FNDC1: variants seen among roughly 807,000 people sequenced by gnomAD.
FNDC1 encodes the protein fibronectin type III domain containing 1.
In FNDC1, 96 loss-of-function variants were observed where a neutral mutation model predicts 168.0. The ratio of observed to expected loss-of-function variants is 0.57; its 90% CI spans 0.48 to 0.68. The LOEUF (loss-of-function observed/expected upper bound fraction) is 0.68, where lower values mean the gene tolerates loss of function less well. FNDC1 is among the 30% of genes least tolerant of loss of function. FNDC1 has a pLI of 0.00. For synonymous variants in FNDC1, 1,099 were observed against 1,025.9 expected (o/e 1.07, Z -1.36); for missense variants, 2,587 against 2,482.1 (o/e 1.04, Z -0.90).
At chr6:159,265,488 C>A (rs941584439) in intron 20 of FNDC1, among the ~76,000 whole-genome samples, 6 of 152,144 alleles carry the variant, frequency 3.9e-5, no homozygotes, top group Admixed American at 3.9e-4. Flanking sequence ...GCTTATTTTC[C>A]TTGCCGTTTA....
At chr6:159,184,470 A>G (rs1781950528) in intron 1 of FNDC1, among the ~76,000 whole-genome samples, 2 of 152,102 alleles carry the variant, frequency 1.3e-5, no homozygotes, top group Non-Finnish European at 2.9e-5. Flanking sequence ...AATGAGTTTT[A>G]TTATCTGAAA....
chr6:159,249,074 A>G lies in FNDC1; in HGVS notation c.4726A>G (p.Thr1576Ala), dbSNP rs753154943. 1.2e-6 allele frequency: 2 copies of G among 1,604,058 alleles called. No homozygotes were observed. Among genetic ancestry groups the G allele is most frequent in the Non-Finnish European group, 1.7e-6 (2 of 1,175,208 alleles). Residue 1576 changes from threonine (T) to alanine (A), a missense_variant, in exon 16 of 23, where the codon ACT becomes GCT. Physicochemically the swap from Thr to Ala is moderately conservative, Grantham distance 58. Coordinates refer to ENST00000297267, the MANE Select transcript of FNDC1 (RefSeq NM_032532.3). Reference sequence around the variant, plus strand: ...TGAGACGTCAAGGCCACCAACCACCACTGAGCCTTCGACCACTGCTACCAC... The same window carrying G: ...TGAGACGTCAAGGCCACCAACCACCGCTGAGCCTTCGACCACTGCTACCAC... ...EFETSRPPTT[T>A]EPSTTATTPR...
At chr6:159,197,359 C>A in intron 1 of FNDC1, 72 bp from the exon 2 acceptor site, 1 of 1,375,570 alleles carries the variant, frequency 7.3e-7, no homozygotes, top group Non-Finnish European at 1.0e-6. Flanking sequence ...CTAACAATAT[C>A]AAAGACGATT....
chr6:159,197,918 C>A (rs572277762), intron 2 of FNDC1, among the ~76,000 whole-genome samples: 6 of 152,128 alleles, frequency 3.9e-5, no homozygotes, highest in Non-Finnish European at 8.8e-5. Flanking sequence ...TAGATTGATC[C>A]TTTTTTGCTT....
intron 4 of FNDC1, among the ~76,000 whole-genome samples, chr6:159,206,154 A>G (rs1782483052): frequency 6.6e-6 from 1 of 152,258 alleles, no homozygotes; most frequent in Admixed American, 6.5e-5. Flanking sequence ...TCCACCAGAT[A>G]TTTCTGCAGC....
chr6:159,260,755 G>A (rs1409186527), intron 18 of FNDC1, among the ~76,000 whole-genome samples: 1 of 152,202 alleles, frequency 6.6e-6, no homozygotes, highest in Non-Finnish European at 1.5e-5. Context: ...TTTGAATTCT[G>A]CTTTGTAGTG....
rs1010910473 is a variant in FNDC1, at chr6:159,215,262, G to A, written c.667+111G>A. The A allele has an allele frequency of 3.3e-6, 3 of 919,728 alleles. No individual in the cohort carries two copies. The African/African-American group carries it at 5.0e-5, about 15-fold the overall frequency. The allele number at this position is 919,728 out of a possible 1,614,324, so 57.0% of individuals were successfully genotyped here. A position where few individuals can be genotyped will look rare whatever the true frequency, so the allele number is the denominator to read the frequency against. ...TATATTTTAGTTGTAATGTCCACTT[G>A]CCAGATGTTACAATGATTTGAATCT... On this transcript the variant is annotated intron_variant, in intron 5 of 22. Transcript: ENST00000297267.
intron 1 of FNDC1, among the ~76,000 whole-genome samples, chr6:159,177,966 T>C (rs936399272): frequency 6.6e-6 from 1 of 152,228 alleles, no homozygotes; most frequent in African/African-American, 2.4e-5. Flanking sequence ...AATTTTGAGA[T>C]AGTCATAGAT....
In FNDC1 at chr6:159,232,889, G is replaced by A. The variant is rs186422799; in HGVS notation, c.2377G>A (p.Asp793Asn). The change falls in exon 11 of 23, where the codon GAT becomes AAT. Residue 793 changes from aspartate to asparagine, a missense_variant. By Grantham distance (23) the Asp-to-Asn change is conservative. Transcript: ENST00000297267. This position sits in a 1 kb window ranked among gnomAD's most constrained non-coding sequence, Gnocchi z 4.9. ...TGATGGTGAAAGCCACGGTGACGGC[G>A]ATAGGGAAGACGGCGGAAGGCAGGC... Reference protein sequence around the residue: ...ASDGESHGDGDREDGGRQAEA... With the variant: ...ASDGESHGDGNREDGGRQAEA... The A allele has an allele frequency of 1.8e-3, 2,944 of 1,613,072 alleles. 13 individuals are homozygous for A. Among genetic ancestry groups the A allele is most frequent in the South Asian group, 0.012 (1,072 of 91,014 alleles).
chr6:159,226,365 C>A, intron 8 of FNDC1, 108 bp from the exon 9 acceptor site: 1 of 766,604 alleles, frequency 1.3e-6, no homozygotes, highest in Non-Finnish European at 2.1e-6. Flanking sequence ...AAAATTAACA[C>A]AGTAGGTCTT....
intron 19 of FNDC1, 26 bp downstream of exon 19, chr6:159,261,295 TG>T (rs1233845306): frequency 6.6e-7 from 1 of 1,512,630 alleles, no homozygotes; most frequent in African/African-American, 1.4e-5. Flanking sequence ...CATTCTGATT[TG>T]TTTTACTTTT....
In FNDC1 at chr6:159,217,304, C is replaced by T. The variant is rs757934722; in HGVS notation, c.667+2153C>T. On this transcript the variant is annotated intron_variant, in intron 5 of 22. Transcript: ENST00000297267. ...CGCGGAAACAGAGCACTTGCTTGGA[C>T]GGAAGCCCGGCGAGCCCACACTCCT... 2.0e-5 allele frequency among the ~76,000 whole-genome samples: 3 copies of T among 152,128 alleles called. No homozygotes were observed. In the East Asian group the frequency reaches 5.8e-4, roughly 29 times the overall value.
chr6:159,215,069 C>A lies in FNDC1; in HGVS notation c.585C>A (p.Leu195=), dbSNP rs371528220. 1.2e-6 allele frequency: 2 copies of A among 1,614,032 alleles called. No homozygotes were observed. Among genetic ancestry groups the A allele is most frequent in the East Asian group, 4.5e-5 (2 of 44,886 alleles). ...GTCCACGCAGATCACGGGGTTTTCT[C>A]CTGGGCTACGGGGAGAGTGGCCGGA... The part of the protein sequence containing the change: ...AKSPRRSRGF[L]LGYGESGRKM... The change falls in exon 5 of 23, where the codon CTC becomes CTA. Residue 195 remains leucine (L), a synonymous_variant. Transcript: ENST00000297267.
At chr6:159,265,966 AC>A in intron 20 of FNDC1, 117 bp from the exon 21 acceptor site, 2 of 1,053,016 alleles carry the variant, frequency 1.9e-6, no homozygotes, top group Non-Finnish European at 2.7e-6. Flanking sequence ...AAACAAACAA[AC>A]AAAAAGCCCT....
At chr6:159,224,383 A>G (rs1231378882) in intron 7 of FNDC1, among the ~76,000 whole-genome samples, 1 of 152,232 alleles carries the variant, frequency 6.6e-6, no homozygotes, top group Admixed American at 6.5e-5. Context: ...AGAAAGCCAC[A>G]GATGTGGTGG....
chr6:159,207,238 G>T (rs1309213532), intron 4 of FNDC1, among the ~76,000 whole-genome samples: 1 of 152,140 alleles, frequency 6.6e-6, no homozygotes, highest in Non-Finnish European at 1.5e-5. Flanking sequence ...CACAAGCAGT[G>T]GGGGTAAGGC....
In FNDC1 at chr6:159,260,631, A is replaced by T. The variant is rs147452123; in HGVS notation, c.5175-559A>T. ...TACCATTGTCATGTTAGCTTCACTG[A>T]AAAGGCAGCCTCCAGCCAGGTTCAT... is the stretch of plus-strand genomic sequence containing the variant. On this transcript the variant is annotated intron_variant, in intron 18 of 22. Transcript: ENST00000297267. Among the ~76,000 whole-genome samples, 153 of 152,338 alleles carry T rather than the reference A, an allele frequency of 1.0e-3. 1 individual carries two copies. Among genetic ancestry groups the T allele is most frequent in the Middle Eastern group, 6.8e-3 (2 of 294 alleles).
At chr6:159,198,704 G>T (rs1249290672) in intron 2 of FNDC1, among the ~76,000 whole-genome samples, 1 of 152,180 alleles carries the variant, frequency 6.6e-6, no homozygotes, top group Non-Finnish European at 1.5e-5. Flanking sequence ...GAGTCGTAGA[G>T]CTCACTAAAA....
At chr6:159,253,021 T>C (rs1583913736) in intron 17 of FNDC1, among the ~76,000 whole-genome samples, 1 of 152,172 alleles carries the variant, frequency 6.6e-6, no homozygotes, top group Admixed American at 6.5e-5. Context: ...TGTATTGTCC[T>C]GTAGAGGTCG....
Sources: allele counts gnomAD v4.1 joint callset (sites outside exome capture counted in the v4.1 genomes callset), GRCh38; gene constraint gnomAD v4.1.1; non-coding constraint Gnocchi (gnomAD v3.1); transcripts MANE v1.5; gene names NCBI Gene and HGNC (gene_info 2026-07-23, HGNC 2026-07-21).